Variants in NSMCE2 observed in about 807,000 individuals in gnomAD.
NSMCE2 encodes E3 SUMO-protein ligase NSE2.
A neutral mutation model predicts 23.8 loss-of-function variants in NSMCE2; 24 were observed. The observed-to-expected ratio is 1.01, with a 90% confidence interval of 0.73 to 1.42. NSMCE2 has a LOEUF of 1.42. Ranked by LOEUF, NSMCE2 falls within the 40% of genes most tolerant of loss-of-function variation. The probability of loss-of-function intolerance (pLI) is 0.00; values close to 1 mark genes in which losing one functional copy is unlikely to be tolerated. For synonymous variants in NSMCE2, 92 were observed against 94.1 expected (o/e 0.98, Z 0.13); for missense variants, 284 against 296.5 (o/e 0.96, Z 0.31).
intron 3 of NSMCE2, among the ~76,000 whole-genome samples, chr8:125,129,872 C>G (rs1276273663): frequency 6.6e-6 from 1 of 152,030 alleles, no homozygotes; most frequent in Non-Finnish European, 1.5e-5. Context: ...TACCCATACC[C>G]TCACACAGTT....
intron 5 of NSMCE2, among the ~76,000 whole-genome samples, chr8:125,342,361 CATGTTT>C (rs1460759117): frequency 2.0e-5 from 3 of 152,196 alleles, no homozygotes; most frequent in Non-Finnish European, 4.4e-5. Context: ...GTGATTTCTT[CATGTTT>C]ACAAAATGAA....
chr8:125,333,324 C>T (rs1270743719), intron 5 of NSMCE2, among the ~76,000 whole-genome samples: 1 of 151,212 alleles, frequency 6.6e-6, no homozygotes, highest in Non-Finnish European at 1.5e-5. Context: ...CACATGCCAC[C>T]ATGCCTGGGT....
At chr8:125,365,368 C>G (rs1426555559) in intron 7 of NSMCE2, among the ~76,000 whole-genome samples, 1 of 152,200 alleles carries the variant, frequency 6.6e-6, no homozygotes, top group Non-Finnish European at 1.5e-5. Context: ...AGCTGATCGC[C>G]ATACCACCCT....
At chr8:125,282,527 G>C (rs1249861635) in intron 5 of NSMCE2, among the ~76,000 whole-genome samples, 1 of 152,200 alleles carries the variant, frequency 6.6e-6, no homozygotes, top group Non-Finnish European at 1.5e-5. Flanking sequence ...ATTTACCTCT[G>C]CTCCACTTAC....
chr8:125,102,236 T>G (rs1202085470), intron 2 of NSMCE2, 81 bp from the exon 3 acceptor site: 2 of 904,250 alleles, frequency 2.2e-6, no homozygotes, highest in Non-Finnish European at 3.6e-6. Flanking sequence ...GTATGAATGT[T>G]TACAGCAGTT....
At chr8:125,095,077 C>T (rs763352170) in intron 1 of NSMCE2, among the ~76,000 whole-genome samples, 1 of 152,070 alleles carries the variant, frequency 6.6e-6, no homozygotes, top group Non-Finnish European at 1.5e-5. Flanking sequence ...TCTCGAACTC[C>T]TGGGCTCAAG....
At chr8:125,095,500 G>A (rs1230725743) in intron 1 of NSMCE2, among the ~76,000 whole-genome samples, 1 of 151,994 alleles carries the variant, frequency 6.6e-6, no homozygotes, top group African/African-American at 2.4e-5. Context: ...AGGCTAATGT[G>A]GGAGAATCAC....
intron 5 of NSMCE2, among the ~76,000 whole-genome samples, chr8:125,244,105 A>G (rs1373735827): frequency 6.6e-6 from 1 of 152,200 alleles, no homozygotes; most frequent in East Asian, 1.9e-4. Flanking sequence ...AAAGCTAATG[A>G]TAAATGATTC....
intron 3 of NSMCE2, among the ~76,000 whole-genome samples, chr8:125,114,772 T>A (rs1818916617): frequency 6.6e-6 from 1 of 152,210 alleles, no homozygotes; most frequent in African/African-American, 2.4e-5. Context: ...TATGCATACA[T>A]ACATACATAT....
chr8:125,362,089 G>A (rs1051900188), intron 7 of NSMCE2, among the ~76,000 whole-genome samples: 9 of 152,222 alleles, frequency 5.9e-5, no homozygotes, highest in African/African-American at 1.7e-4. Context: ...GCCTGGAGGT[G>A]GGGACCCAGC....
intron 4 of NSMCE2, among the ~76,000 whole-genome samples, chr8:125,170,213 CTT>C (rs1193130800): frequency 6.6e-6 from 1 of 151,944 alleles, no homozygotes; most frequent in Non-Finnish European, 1.5e-5. Context: ...AAACTAAACT[CTT>C]GTTTTTCTCC....
intron 5 of NSMCE2, among the ~76,000 whole-genome samples, chr8:125,300,447 G>A (rs1828515416): frequency 6.6e-6 from 1 of 152,132 alleles, no homozygotes; most frequent in Non-Finnish European, 1.5e-5. Context: ...ACAGACATGA[G>A]CCATCACACC....
intron 5 of NSMCE2, among the ~76,000 whole-genome samples, chr8:125,204,005 G>A (rs561461093): frequency 5.9e-5 from 9 of 152,202 alleles, no homozygotes; most frequent in Non-Finnish European, 7.4e-5. Context: ...ATGTCATTGC[G>A]GTGAGACAGA....
intron 3 of NSMCE2, among the ~76,000 whole-genome samples, chr8:125,105,653 T>G (rs1279518556): frequency 6.6e-6 from 1 of 152,132 alleles, no homozygotes; most frequent in Non-Finnish European, 1.5e-5. Flanking sequence ...GGCCATGTGG[T>G]TTCTGTCACA....
At chr8:125,115,557 C>G (rs1453484615) in intron 3 of NSMCE2, among the ~76,000 whole-genome samples, 1 of 152,130 alleles carries the variant, frequency 6.6e-6, no homozygotes, top group Non-Finnish European at 1.5e-5. Flanking sequence ...TCAAGACCAC[C>G]CTAGCCAACA....
At chr8:125,246,202 C>T (rs1302997030) in intron 5 of NSMCE2, among the ~76,000 whole-genome samples, 2 of 150,280 alleles carry the variant, frequency 1.3e-5, no homozygotes, top group Non-Finnish European at 3.0e-5. Context: ...TTTTTTGAGA[C>T]AGAGTCTCAC....
At chr8:125,098,281 G>A (rs547738148) in intron 1 of NSMCE2, among the ~76,000 whole-genome samples, 5 of 152,268 alleles carry the variant, frequency 3.3e-5, no homozygotes, top group South Asian at 2.1e-4. Context: ...TTGTTAAAAC[G>A]TAGATTGTTG....
chr8:125,367,034 A>AT lies in NSMCE2; in HGVS notation c.*154dup. The AT allele has an allele frequency of 1.7e-6, 1 of 584,934 alleles. No homozygotes were observed. Among genetic ancestry groups the AT allele is most frequent in the East Asian group, 2.7e-5 (1 of 36,766 alleles). The allele number at this position is 584,934 out of a possible 1,614,324, so 36.2% of individuals were successfully genotyped here. A position where few individuals can be genotyped will look rare whatever the true frequency, so the allele number is the denominator to read the frequency against. On this transcript the variant is annotated 3_prime_UTR_variant, in exon 8 of 8. Transcript: ENST00000287437. ...GTTGCTTTTATGTGTGCTTGAAAAC[A>AT]TTTTTCAAAGTTACACAACAGAAAT... is the stretch of plus-strand genomic sequence containing the variant.
chr8:125,207,666 C>T (rs906876574), intron 5 of NSMCE2, among the ~76,000 whole-genome samples: 2 of 152,174 alleles, frequency 1.3e-5, no homozygotes, highest in Admixed American at 1.3e-4. Flanking sequence ...TTATTTGGCT[C>T]GTGACTATTT....
Sources: gnomAD v4.1 joint callset for allele counts (sites outside exome capture counted in the v4.1 genomes callset) on GRCh38, gnomAD v4.1.1 for gene constraint, MANE v1.5 for transcripts, NCBI Gene and HGNC (gene_info 2026-07-23, HGNC 2026-07-21) for gene names.